The following SAMD12 variants were observed in gnomAD, a reference collection of about 807,000 sequenced individuals.
SAMD12 encodes sterile alpha motif domain-containing protein 12.
In SAMD12, 9 loss-of-function variants were observed where a neutral mutation model predicts 15.0. That is an observed-to-expected ratio of 0.60 (90% CI 0.36 to 1.05). SAMD12 has a LOEUF of 1.05. SAMD12 is among the 50% of genes least tolerant of loss of function. SAMD12 has a pLI of 0.01. For synonymous variants in SAMD12, 86 were observed against 90.1 expected, an observed-to-expected ratio of 0.96 and a Z score of 0.25; for missense variants, 230 against 234.2, an observed-to-expected ratio of 0.98 and a Z score of 0.12.
intron 2 of SAMD12, among the ~76,000 whole-genome samples, chr8:118,492,082 TG>T (rs1824455569): frequency 1.3e-5 from 2 of 151,876 alleles, no homozygotes; most frequent in Non-Finnish European, 2.9e-5. Flanking sequence ...TCGCAATGTA[TG>T]AAGTTCTGGT....
rs548735350 is a variant in SAMD12, at chr8:118,510,002, A to G, written c.193-70041T>C. 5.0e-4 allele frequency among the ~76,000 whole-genome samples: 76 copies of G among 152,306 alleles called. No homozygotes were observed. In the South Asian group the frequency reaches 0.015, roughly 31 times the overall value. ...ACTTTTGATATTTAAAGATGATAAT[A>G]TTGAGGGTGAAAGTTATCTGTGCAC... is the stretch of plus-strand genomic sequence containing the variant. On this transcript the variant is annotated intron_variant, in intron 2 of 3. Coordinates refer to ENST00000314727, the MANE Select transcript of SAMD12 (RefSeq NM_207506.3).
chr8:118,616,504 T>C (rs1429983628), intron 1 of SAMD12, among the ~76,000 whole-genome samples: 4 of 152,236 alleles, frequency 2.6e-5, no homozygotes, highest in Non-Finnish European at 4.4e-5. Context: ...ACAGAGCTTC[T>C]TGTGTTCTAT....
At chr8:118,433,140 G>T (rs1822464825) in intron 3 of SAMD12, among the ~76,000 whole-genome samples, 1 of 152,072 alleles carries the variant, frequency 6.6e-6, no homozygotes, top group Admixed American at 6.6e-5. Flanking sequence ...CCTCTCTCCT[G>T]TCCTCCATTT....
At chr8:118,132,972 GTATATATATATATATATATA>G in the SAMD12 span, among the ~76,000 whole-genome samples, 540 of 48,264 alleles carry the variant, frequency 0.011, 31 homozygotes, top group African/African-American at 0.026. Flanking sequence ...GTGTGTGTGT[GTATATATATATATATATATA>G]TATATATATA....
chr8:118,510,965 G>C (rs887919382), intron 2 of SAMD12, among the ~76,000 whole-genome samples: 1 of 152,126 alleles, frequency 6.6e-6, no homozygotes, highest in African/African-American at 2.4e-5. Flanking sequence ...AAGTTAAAAG[G>C]TATAACAACA....
At chr8:118,318,769 T>C (rs112548196) in intron 4 of SAMD12, among the ~76,000 whole-genome samples, 198 of 152,226 alleles carry the variant, frequency 1.3e-3, no homozygotes, top group African/African-American at 4.5e-3. Flanking sequence ...AAGGCACTCC[T>C]TTCTGACCCC....
intron 3 of SAMD12, among the ~76,000 whole-genome samples, chr8:118,430,098 C>A (rs928968753): frequency 6.6e-6 from 1 of 152,056 alleles, no homozygotes; most frequent in South Asian, 2.1e-4. Flanking sequence ...TTGTCAAATG[C>A]TTTCTCTGCA....
At chr8:118,200,272 C>A (rs1203135216) in intron 4 of SAMD12, among the ~76,000 whole-genome samples, 1 of 151,998 alleles carries the variant, frequency 6.6e-6, no homozygotes, top group Non-Finnish European at 1.5e-5. Context: ...GTGTGTCCCC[C>A]TCTAGTGACA....
downstream of SAMD12, among the ~76,000 whole-genome samples, chr8:118,376,405 T>C (rs1012220762): frequency 6.6e-6 from 1 of 152,060 alleles, no homozygotes; most frequent in Admixed American, 6.6e-5. Flanking sequence ...GGTGCTCTTG[T>C]AAAAGCAGCC....
chr8:118,191,876 G>A (rs1178587404), exon 5 of SAMD12: 1 of 133,148 alleles, frequency 7.5e-6, no homozygotes, highest in Non-Finnish European at 1.6e-5. Context: ...CTGATTTAGG[G>A]ATCATAGAAT....
rs1185083335 is a variant in SAMD12, at chr8:118,378,801, T to C, written c.*616A>G. On this transcript the variant is annotated 3_prime_UTR_variant, in exon 4 of 4. Transcript: ENST00000314727. Reference sequence around the variant, plus strand: ...ATGTAGACATATCAGTTACATATAGTGTAACTTAAGGCTTTCTTCGAATTC... The same window carrying C: ...ATGTAGACATATCAGTTACATATAGCGTAACTTAAGGCTTTCTTCGAATTC... The C allele has an allele frequency of 5.1e-6, 5 of 985,170 alleles. No individual in the cohort carries two copies. The African/African-American group carries it at 5.2e-5, about 10-fold the overall frequency. 61.0% of individuals were successfully genotyped at this position (985,170 alleles called of 1,614,324 possible).
chr8:118,325,750 A>G (rs1816535745), intron 4 of SAMD12, among the ~76,000 whole-genome samples: 1 of 152,108 alleles, frequency 6.6e-6, no homozygotes. Context: ...TGGCAACCTA[A>G]TTGTTTCTTT....
chr8:118,333,555 T>C (rs983757745), intron 4 of SAMD12, among the ~76,000 whole-genome samples: 2 of 63,580 alleles, frequency 3.1e-5, no homozygotes, highest in Non-Finnish European at 7.5e-5. Flanking sequence ...GATTCTTTTG[T>C]TTTTTTTTTT....
intron 3 of SAMD12, 40 bp downstream of exon 3, chr8:118,439,792 A>C: frequency 1.2e-6 from 2 of 1,601,092 alleles, no homozygotes; most frequent in South Asian, 2.2e-5. Flanking sequence ...GACTGGGAGA[A>C]AGAAAAGGAG....
intron 4 of SAMD12, among the ~76,000 whole-genome samples, chr8:118,332,972 C>T (rs147458297): frequency 3.6e-4 from 55 of 152,266 alleles, no homozygotes; most frequent in South Asian, 1.0e-3. Context: ...TTTGTCTTCC[C>T]GAGGAAATGT....
chr8:118,384,350 G>A (rs542622267), intron 3 of SAMD12, among the ~76,000 whole-genome samples: 1 of 152,128 alleles, frequency 6.6e-6, no homozygotes, highest in Non-Finnish European at 1.5e-5. Context: ...GAATCCCTCT[G>A]GTCACTATGT....
chr8:118,206,901 ATTC>A (rs1819877193), intron 4 of SAMD12, among the ~76,000 whole-genome samples: 1 of 152,202 alleles, frequency 6.6e-6, no homozygotes, highest in South Asian at 2.1e-4. Flanking sequence ...AGTATGTCTC[ATTC>A]TTCTCTTTCT....
At chr8:118,246,046 A>G (rs948192090) in intron 4 of SAMD12, among the ~76,000 whole-genome samples, 2 of 152,258 alleles carry the variant, frequency 1.3e-5, no homozygotes, top group South Asian at 2.1e-4. Flanking sequence ...GGCAGGCTCA[A>G]TTCTCATCAG....
chr8:118,148,606 C>T, the SAMD12 span, among the ~76,000 whole-genome samples: 1 of 152,134 alleles, frequency 6.6e-6, no homozygotes, highest in African/African-American at 2.4e-5. Flanking sequence ...TTACAGAACA[C>T]AACCATTACC....
Sources: allele counts gnomAD v4.1 joint callset (sites outside exome capture counted in the v4.1 genomes callset), GRCh38; gene constraint gnomAD v4.1.1; transcripts MANE v1.5; gene names NCBI Gene and HGNC (gene_info 2026-07-23, HGNC 2026-07-21).